MECOM: variants seen among roughly 807,000 people sequenced by gnomAD.
MECOM encodes the protein histone-lysine N-methyltransferase MECOM.
Under a neutral mutation model 116.3 loss-of-function variants are expected in MECOM, and 13 were observed. The observed-to-expected ratio is 0.11, with a 90% CI of 0.07 to 0.18. The LOEUF is 0.18. Ranked by LOEUF, MECOM falls within the 10% of genes least tolerant of loss-of-function variation. MECOM has a pLI of 1.00. For missense variants in MECOM, 1,299 were observed against 1,509.0 expected (o/e 0.86, Z 2.31); for synonymous variants, 528 against 535.2 (o/e 0.99, Z 0.19).
chr3:169,461,368 C>T (rs555810245), intron 1 of MECOM, among the ~76,000 whole-genome samples: 3 of 152,208 alleles, frequency 2.0e-5, no homozygotes, highest in African/African-American at 7.2e-5. Context: ...TCAACAAACA[C>T]CAGGCTAGTG....
chr3:169,421,687 TA>T (rs200727755), intron 1 of MECOM, among the ~76,000 whole-genome samples: 6,944 of 147,048 alleles, frequency 0.047, 456 homozygotes, highest in Admixed American at 0.19. Flanking sequence ...TTTGTTTTTT[TA>T]AAAAAAAAAA....
chr3:169,163,201 C>T (rs1190618027), intron 2 of MECOM, among the ~76,000 whole-genome samples: 1 of 152,080 alleles, frequency 6.6e-6, no homozygotes, highest in African/African-American at 2.4e-5. Context: ...CAAAAGATAT[C>T]CATTCATTTT....
intron 1 of MECOM, among the ~76,000 whole-genome samples, chr3:169,629,051 A>T (rs184869128): frequency 7.2e-5 from 11 of 151,932 alleles, no homozygotes; most frequent in Non-Finnish European, 1.3e-4. Flanking sequence ...AAAGCACTTA[A>T]TCAATAAAGA....
intron 1 of MECOM, among the ~76,000 whole-genome samples, chr3:169,582,965 A>G (rs1335074486): frequency 6.6e-6 from 1 of 152,240 alleles, no homozygotes; most frequent in East Asian, 1.9e-4. Flanking sequence ...ATAAAAAGAA[A>G]TACAAATGAT....
At chr3:169,506,884 C>T (rs1449648747) in intron 1 of MECOM, among the ~76,000 whole-genome samples, 3 of 152,130 alleles carry the variant, frequency 2.0e-5, no homozygotes, top group African/African-American at 7.2e-5. Flanking sequence ...CCTCCCATGC[C>T]TCTTTTCTTC....
chr3:169,439,691 T>G (rs1743284035), intron 1 of MECOM, among the ~76,000 whole-genome samples: 2 of 152,180 alleles, frequency 1.3e-5, no homozygotes, highest in African/African-American at 4.8e-5. Flanking sequence ...TACTATCTTG[T>G]GCTATATCCC....
At chr3:169,402,395 C>T (rs1399933783) in intron 1 of MECOM, among the ~76,000 whole-genome samples, 1 of 152,176 alleles carries the variant, frequency 6.6e-6, no homozygotes, top group Non-Finnish European at 1.5e-5. Context: ...GCTGCAGAAC[C>T]AACAGGCTTT....
chr3:169,146,584 G>C (rs764072253), intron 2 of MECOM: 2 of 1,373,694 alleles, frequency 1.5e-6, no homozygotes, highest in Non-Finnish European at 1.9e-6. Flanking sequence ...AGGGCTCCGC[G>C]AGACTGCGGG....
chr3:169,251,284 G>A (rs1436438812), intron 2 of MECOM, among the ~76,000 whole-genome samples: 3 of 152,114 alleles, frequency 2.0e-5, no homozygotes, highest in Non-Finnish European at 4.4e-5. Flanking sequence ...GCAATGCTTG[G>A]TTGGTACAAG....
intron 1 of MECOM, among the ~76,000 whole-genome samples, chr3:169,478,130 G>A (rs941554620): frequency 1.3e-5 from 2 of 152,118 alleles, no homozygotes; most frequent in Non-Finnish European, 2.9e-5. Flanking sequence ...CTGACACCGT[G>A]GCATCTGACA....
rs191741714 is a variant in MECOM at position 169,337,246 on chromosome 3, T to C, written c.375+43941A>G. Among the ~76,000 whole-genome samples the C allele has an allele frequency of 6.6e-3, 1,012 of 152,226 alleles. 11 individuals carry two copies. The highest frequency in any genetic ancestry group is 0.023 in the African/African-American group (973 of 41,546). On this transcript the variant is annotated intron_variant, in intron 2 of 16. Transcript: ENST00000651503. ...ACATTTAATCTCTGTATACAATATA[T>C]AAATTTTTTTAGGCAAGAAGGAAAA...
intron 1 of MECOM, among the ~76,000 whole-genome samples, chr3:169,541,960 T>C (rs1760117807): frequency 6.6e-6 from 1 of 152,242 alleles, no homozygotes; most frequent in Non-Finnish European, 1.5e-5. Context: ...TGTAAAGTAC[T>C]GTGCAGTTCT....
intron 2 of MECOM, among the ~76,000 whole-genome samples, chr3:169,152,531 G>A (rs950939500): frequency 6.6e-6 from 1 of 152,078 alleles, no homozygotes; most frequent in African/African-American, 2.4e-5. Context: ...CTCCTATTCG[G>A]CTCTCCGAGG....
chr3:169,605,564 C>T (rs535580069), intron 1 of MECOM, among the ~76,000 whole-genome samples: 71 of 152,208 alleles, frequency 4.7e-4, no homozygotes, highest in African/African-American at 1.4e-3. Context: ...CTGTGCTAGA[C>T]GACAAGACTA....
At chr3:169,341,187 G>C (rs1724435139) in intron 2 of MECOM, among the ~76,000 whole-genome samples, 2 of 151,982 alleles carry the variant, frequency 1.3e-5, no homozygotes, top group Admixed American at 1.3e-4. Context: ...TCTCTACTAA[G>C]TCATTCTTTT....
intron 1 of MECOM, among the ~76,000 whole-genome samples, chr3:169,417,262 A>G (rs1264798679): frequency 1.3e-5 from 2 of 149,644 alleles, no homozygotes; most frequent in African/African-American, 4.9e-5. Flanking sequence ...AATTTACAAG[A>G]AAAAAACAAA....
chr3:169,430,145 C>G (rs1432047912), intron 1 of MECOM, among the ~76,000 whole-genome samples: 4 of 152,070 alleles, frequency 2.6e-5, no homozygotes, highest in Admixed American at 1.3e-4. Context: ...ATTTGTTTTT[C>G]AATAAATCCT....
intron 2 of MECOM, among the ~76,000 whole-genome samples, chr3:169,275,711 G>A (rs1234772203): frequency 3.3e-5 from 5 of 152,104 alleles, no homozygotes; most frequent in African/African-American, 1.2e-4. Context: ...ATGAAACAAA[G>A]CTCCAGAAAC....
intron 1 of MECOM, among the ~76,000 whole-genome samples, chr3:169,424,599 AG>A: frequency 6.6e-6 from 1 of 152,170 alleles, no homozygotes; most frequent in East Asian, 1.9e-4. Context: ...ATGACTGGCA[AG>A]TTTTCTCCAT....
Sources: allele counts gnomAD v4.1 joint callset (sites outside exome capture counted in the v4.1 genomes callset), GRCh38; gene constraint gnomAD v4.1.1; transcripts MANE v1.5; gene names NCBI Gene and HGNC (gene_info 2026-07-23, HGNC 2026-07-21).